JAK1: variants seen among roughly 807,000 people sequenced by gnomAD.
JAK1 encodes Janus kinase 1.
In JAK1, 16 loss-of-function variants were observed where a neutral mutation model predicts 136.6. That is an observed-to-expected ratio of 0.12 (90% CI 0.08 to 0.18). The LOEUF (loss-of-function observed/expected upper bound fraction) is 0.18. JAK1 is among the 10% of genes least tolerant of loss of function. The probability of loss-of-function intolerance (pLI) is 1.00; values close to 1 mark genes in which losing one functional copy is unlikely to be tolerated. For missense variants in JAK1, 859 were observed against 1,450.1 expected (o/e 0.59, Z 6.62); for synonymous variants, 492 against 519.5 (o/e 0.95, Z 0.72).
Position 64,955,474 on chromosome 1 carries a change from G to A in JAK1, c.-78+10859C>T, listed in dbSNP as rs115141952. ...ATGAACAAGAACACAGAAAAGCATG[G>A]GAAACATTGAAAGCAAAATAATGAA... is the stretch of plus-strand genomic sequence containing the variant. On this transcript the variant is annotated intron_variant, in intron 1 of 24. Coordinates refer to ENST00000342505, the MANE Select transcript of JAK1 (RefSeq NM_002227.4). Among the ~76,000 whole-genome samples the A allele has an allele frequency of 5.0e-3, 754 of 152,282 alleles. 4 individuals carry two copies. The highest frequency in any genetic ancestry group is 9.2e-3 in the Non-Finnish European group (626 of 68,020).
chr1:64,839,897 G>A, intron 19 of JAK1, 102 bp from the exon 20 acceptor site: 1 of 945,338 alleles, frequency 1.1e-6, no homozygotes, highest in Non-Finnish European at 1.5e-6. Flanking sequence ...GAGGGCCAGG[G>A]GTTCTCGCTG....
At chr1:65,018,549 C>G (rs1052393028) in intron 2 of JAK1, among the ~76,000 whole-genome samples, 1 of 151,584 alleles carries the variant, frequency 6.6e-6, no homozygotes, top group Non-Finnish European at 1.5e-5. Context: ...GATATTACTC[C>G]AGATGTTGTA....
intron 4 of JAK1, among the ~76,000 whole-genome samples, chr1:64,877,109 T>C (rs368851068): frequency 1.6e-4 from 24 of 152,204 alleles, no homozygotes; most frequent in African/African-American, 5.8e-4. Context: ...AGAGGAGAGA[T>C]ACCTGAGGAT....
intron 2 of JAK1, among the ~76,000 whole-genome samples, chr1:65,004,290 G>A (rs1160579690): frequency 6.6e-6 from 1 of 152,196 alleles, no homozygotes; most frequent in African/African-American, 2.4e-5. Flanking sequence ...GGAGGAAGAG[G>A]AGGAGGAGGA....
At chr1:64,878,944 A>T in intron 4 of JAK1, 81 bp downstream of exon 4, 1 of 1,358,328 alleles carries the variant, frequency 7.4e-7, no homozygotes, top group Non-Finnish European at 1.0e-6. Flanking sequence ...ACTTCTTGGT[A>T]AGTGACTCAG....
intron 1 of JAK1, among the ~76,000 whole-genome samples, chr1:64,896,940 A>G (rs1645022738): frequency 6.6e-6 from 1 of 152,206 alleles, no homozygotes; most frequent in Admixed American, 6.5e-5. Context: ...GCAAATAAGG[A>G]TAATCATAAT....
chr1:64,985,204 C>G, intron 2 of JAK1: 1 of 1,570,964 alleles, frequency 6.4e-7, no homozygotes, highest in Non-Finnish European at 8.8e-7. Context: ...ACACCTGCAC[C>G]CTTAAAGATT....
At position 64,839,413 on chromosome 1, in the gene JAK1, GCCT is replaced by G. The variant is rs531959624; in HGVS notation, c.2842+187_2842+189del. ...GCCCCTGGATGGAGGGGCCTGGGTG[GCCT>G]CCTCAGGAGCCCTGCAGCTGCTGAG... On this transcript the variant is annotated intron_variant, in intron 20 of 24. Coordinates refer to ENST00000342505, the MANE Select transcript of JAK1 (RefSeq NM_002227.4). 428 of 443,320 alleles carry G rather than the reference GCCT, an allele frequency of 9.7e-4. 1 individual carries two copies. The East Asian group carries it at 0.014, about 15-fold the overall frequency. 27.5% of individuals were successfully genotyped at this position (443,320 alleles called of 1,614,324 possible). A position where few individuals can be genotyped will look rare whatever the true frequency, so the allele number is the denominator to read the frequency against.
intron 1 of JAK1, among the ~76,000 whole-genome samples, chr1:64,945,952 G>A (rs1231366724): frequency 6.6e-6 from 1 of 152,084 alleles, no homozygotes; most frequent in African/African-American, 2.4e-5. Context: ...TGGCCAGCTG[G>A]TCTTTAACTC....
chr1:65,024,697 C>G (rs1244484901), intron 2 of JAK1, among the ~76,000 whole-genome samples: 4 of 147,622 alleles, frequency 2.7e-5, no homozygotes, highest in Non-Finnish European at 6.0e-5. Context: ...AAAAAAAAGG[C>G]TAGGGGTGGT....
At chr1:65,040,216 CAAA>C (rs35513384) in intron 2 of JAK1, among the ~76,000 whole-genome samples, 3 of 131,218 alleles carry the variant, frequency 2.3e-5, no homozygotes, top group Admixed American at 7.7e-5. Context: ...ACCCTGTCTC[CAAA>C]AAAAAAAAAA....
intron 1 of JAK1, among the ~76,000 whole-genome samples, chr1:64,902,136 G>GAGTCTTCA (rs1442797140): frequency 6.6e-6 from 1 of 152,096 alleles, no homozygotes; most frequent in Non-Finnish European, 1.5e-5. Flanking sequence ...GAGGTCAATG[G>GAGTCTTCA]AGTCTTCACT....
chr1:65,047,594 G>C (rs540562739), intron 1 of JAK1, among the ~76,000 whole-genome samples: 1 of 151,874 alleles, frequency 6.6e-6, no homozygotes, highest in Non-Finnish European at 1.5e-5. Context: ...TGGCAGGTGC[G>C]TGTAGTCCCA....
At chr1:64,977,961 G>A (rs371911965) in intron 2 of JAK1, among the ~76,000 whole-genome samples, 28 of 151,186 alleles carry the variant, frequency 1.9e-4, no homozygotes, top group African/African-American at 6.7e-4. Flanking sequence ...GAGGATTAAC[G>A]ATGGTAGTTA....
At position 64,836,879 on chromosome 1, in the gene JAK1, CAA is replaced by C. The variant is rs553128161; in HGVS notation, c.3141-666_3141-665del. Among the ~76,000 whole-genome samples, 12 of 152,288 alleles carry C rather than the reference CAA, an allele frequency of 7.9e-5. No individual in the cohort carries two copies. The South Asian group carries it at 2.1e-3, about 26-fold the overall frequency. The stretch of plus-strand genomic sequence containing the variant: ...TCATTCAGTGGTGGTCTTTTTAAAA[CAA>C]AGTCTCCCTCCTTAAACTCTCCAGC... On this transcript the variant is annotated intron_variant, in intron 22 of 24. Transcript: ENST00000342505.
intron 1 of JAK1, among the ~76,000 whole-genome samples, chr1:65,063,741 G>A (rs949853074): frequency 6.7e-6 from 1 of 149,816 alleles, no homozygotes. Context: ...GGAGGTGGAG[G>A]TTGCAGTGAG....
At chr1:64,978,511 C>A (rs1304242885) in intron 2 of JAK1, among the ~76,000 whole-genome samples, 1 of 152,118 alleles carries the variant, frequency 6.6e-6, no homozygotes, top group East Asian at 1.9e-4. Flanking sequence ...GGCAACATAA[C>A]AGAATCAATA....
chr1:64,853,568 T>C (rs900317238), intron 11 of JAK1, among the ~76,000 whole-genome samples: 2 of 144,394 alleles, frequency 1.4e-5, no homozygotes, highest in African/African-American at 5.3e-5. Context: ...ATAGCAGCCG[T>C]TCTTATTAAT....
intron 17 of JAK1, 106 bp downstream of exon 17, chr1:64,843,958 C>T (rs1477648607): frequency 7.7e-7 from 1 of 1,297,432 alleles, no homozygotes; most frequent in Non-Finnish European, 1.1e-6. Flanking sequence ...AGATTCAAAC[C>T]CATGCCCATC....
Sources: gnomAD v4.1 joint callset for allele counts (sites outside exome capture counted in the v4.1 genomes callset) on GRCh38, gnomAD v4.1.1 for gene constraint, MANE v1.5 for transcripts, NCBI Gene and HGNC (gene_info 2026-07-23, HGNC 2026-07-21) for gene names.